The following GRID1 variants were observed in gnomAD, a reference collection of about 807,000 sequenced individuals.
The protein encoded by GRID1 is glutamate receptor ionotropic, delta-1.
Under a neutral mutation model 98.0 loss-of-function variants are expected in GRID1, and 28 were observed. The observed-to-expected ratio is 0.29, with a 90% CI of 0.21 to 0.39. GRID1 has a LOEUF of 0.39. Ranked by LOEUF, GRID1 falls within the 10% of genes least tolerant of loss-of-function variation. The pLI, the probability that GRID1 is intolerant of heterozygous loss-of-function variation, is 1.00. For missense variants in GRID1, 1,111 were observed against 1,340.5 expected (o/e 0.83, Z 2.67); for synonymous variants, 553 against 538.5 (o/e 1.03, Z -0.37).
intron 6 of GRID1, among the ~76,000 whole-genome samples, chr10:85,863,718 C>T (rs1843187890): frequency 6.6e-6 from 1 of 152,174 alleles, no homozygotes; most frequent in Admixed American, 6.5e-5. Context: ...GGGGGAGAGG[C>T]CCCTGGAGGA....
chr10:85,820,703 GATACCACTATT>G (rs1842762191), intron 8 of GRID1, among the ~76,000 whole-genome samples: 1 of 152,094 alleles, frequency 6.6e-6, no homozygotes, highest in Admixed American at 6.6e-5. Context: ...GCCACAACAA[GATACCACTATT>G]ATACCATTAT....
intron 8 of GRID1, among the ~76,000 whole-genome samples, chr10:85,731,554 A>G (rs1841822022): frequency 6.6e-6 from 1 of 151,998 alleles, no homozygotes; most frequent in Non-Finnish European, 1.5e-5. Flanking sequence ...CAATCCCAGC[A>G]TTTCGGGAGG....
intron 8 of GRID1, among the ~76,000 whole-genome samples, chr10:85,751,257 T>C (rs955488960): frequency 4.6e-5 from 7 of 152,204 alleles, no homozygotes; most frequent in Non-Finnish European, 7.3e-5. Flanking sequence ...AGTGTTATTA[T>C]AAATGACACA....
At chr10:86,180,283 G>A (rs1188697738) in intron 3 of GRID1, among the ~76,000 whole-genome samples, 6 of 152,140 alleles carry the variant, frequency 3.9e-5, no homozygotes, top group Admixed American at 3.3e-4. Flanking sequence ...CATGCCACAG[G>A]CAGGAGCCCC....
chr10:86,236,667 A>T (rs181927105), intron 2 of GRID1, among the ~76,000 whole-genome samples: 1 of 152,362 alleles, frequency 6.6e-6, no homozygotes, highest in Non-Finnish European at 1.5e-5. Context: ...CAATATCAGC[A>T]GGCAGGACCC....
intron 4 of GRID1, among the ~76,000 whole-genome samples, chr10:86,121,563 A>G: frequency 7.1e-6 from 1 of 141,786 alleles, no homozygotes. Flanking sequence ...CACCATCATT[A>G]TCACCATCAA....
At chr10:85,999,288 G>A (rs1370036100) in intron 4 of GRID1, among the ~76,000 whole-genome samples, 2 of 144,162 alleles carry the variant, frequency 1.4e-5, no homozygotes, top group Non-Finnish European at 3.0e-5. Context: ...AATAACCTGA[G>A]TACTCCTATA....
chr10:85,972,436 A>T (rs142315757), intron 4 of GRID1, among the ~76,000 whole-genome samples: 1 of 148,308 alleles, frequency 6.7e-6, no homozygotes, highest in Non-Finnish European at 1.5e-5. Context: ...ATATATTTAT[A>T]TAACTATATT....
At chr10:85,739,899 T>C (rs1439499258) in intron 8 of GRID1, among the ~76,000 whole-genome samples, 3 of 152,202 alleles carry the variant, frequency 2.0e-5, no homozygotes, top group Non-Finnish European at 2.9e-5. Flanking sequence ...TAGTTATAAG[T>C]AGCTGTTTCT....
At chr10:86,044,528 G>A (rs561983947) in intron 4 of GRID1, among the ~76,000 whole-genome samples, 2 of 152,292 alleles carry the variant, frequency 1.3e-5, no homozygotes, top group Admixed American at 6.5e-5. Flanking sequence ...CATGTCCACC[G>A]AGGGTGAATT....
At chr10:85,989,281 G>A (rs959490964) in intron 4 of GRID1, among the ~76,000 whole-genome samples, 3 of 152,342 alleles carry the variant, frequency 2.0e-5, no homozygotes, top group African/African-American at 7.2e-5. Flanking sequence ...CTTGCCCTGA[G>A]GGGAAGGCTT....
chr10:86,116,651 C>T (rs1844585779), intron 4 of GRID1, among the ~76,000 whole-genome samples: 1 of 151,986 alleles, frequency 6.6e-6, no homozygotes, highest in South Asian at 2.1e-4. Flanking sequence ...AGGCAACATG[C>T]AAAAAATGAT....
intron 2 of GRID1, among the ~76,000 whole-genome samples, chr10:86,281,074 T>A (rs1564727608): frequency 6.6e-6 from 1 of 152,110 alleles, no homozygotes; most frequent in Non-Finnish European, 1.5e-5. Flanking sequence ...TGACTGAGAA[T>A]GCAATAGGGA....
intron 15 of GRID1, among the ~76,000 whole-genome samples, chr10:85,607,869 G>A (rs1842690810): frequency 6.8e-6 from 1 of 148,096 alleles, no homozygotes. Context: ...CCAGGCTAGA[G>A]TGCAGTGGCC....
chr10:85,602,183 G>T lies in GRID1; in HGVS notation c.*90C>A. ...TCTCTGTGTATGTGTGTGTGTGCGA[G>T]TGTGTGTGGTTTGTGTTGTTGTTTT... On this transcript the variant is annotated 3_prime_UTR_variant, in exon 16 of 16. Coordinates refer to ENST00000327946, the MANE Select transcript of GRID1 (RefSeq NM_017551.3). 1 of 701,292 alleles carries T rather than the reference G, an allele frequency of 1.4e-6. No homozygotes were observed. Among genetic ancestry groups the T allele is most frequent in the Non-Finnish European group, 2.4e-6 (1 of 424,628 alleles). 43.4% of individuals were successfully genotyped at this position (701,292 alleles called of 1,614,324 possible). A position where few individuals can be genotyped will look rare whatever the true frequency, so the allele number is the denominator to read the frequency against.
At chr10:85,613,747 A>G in intron 14 of GRID1, 100 bp from the exon 15 acceptor site, 1 of 1,365,688 alleles carries the variant, frequency 7.3e-7, no homozygotes, top group African/African-American at 1.4e-5. Context: ...ACCACAGACA[A>G]CATTGAGCCA....
At chr10:86,149,956 A>G (rs1278498992) in intron 3 of GRID1, among the ~76,000 whole-genome samples, 1 of 152,208 alleles carries the variant, frequency 6.6e-6, no homozygotes, top group Admixed American at 6.5e-5. Flanking sequence ...CAGCTAAGTG[A>G]GATCATATTT....
intron 12 of GRID1, among the ~76,000 whole-genome samples, chr10:85,652,163 C>T (rs542243685): frequency 3.5e-4 from 53 of 152,236 alleles, no homozygotes; most frequent in African/African-American, 1.1e-3. Context: ...CAGCTGTGGC[C>T]GAGGATATTC....
At chr10:86,156,575 C>G (rs1845248852) in intron 3 of GRID1, among the ~76,000 whole-genome samples, 1 of 152,216 alleles carries the variant, frequency 6.6e-6, no homozygotes, top group Non-Finnish European at 1.5e-5. Context: ...TTTGACAAAG[C>G]CAGAGGCTCA....
Sources: allele counts gnomAD v4.1 joint callset (sites outside exome capture counted in the v4.1 genomes callset), GRCh38; gene constraint gnomAD v4.1.1; transcripts MANE v1.5; gene names NCBI Gene and HGNC (gene_info 2026-07-23, HGNC 2026-07-21).